KLHL32: variants seen among roughly 807,000 people sequenced by gnomAD.
KLHL32 encodes kelch-like protein 32.
A neutral mutation model predicts 64.8 loss-of-function variants in KLHL32; 35 were observed. The ratio of observed to expected loss-of-function variants is 0.54; its 90% CI spans 0.41 to 0.72. The LOEUF (loss-of-function observed/expected upper bound fraction) is 0.72, where lower values mean the gene tolerates loss of function less well. KLHL32 is among the 30% of genes least tolerant of loss of function. The probability of loss-of-function intolerance (pLI) is 0.00; values close to 1 mark genes in which losing one functional copy is unlikely to be tolerated. For synonymous variants in KLHL32, 259 were observed against 281.0 expected, an observed-to-expected ratio of 0.92 and a Z score of 0.78; for missense variants, 589 against 768.5, an observed-to-expected ratio of 0.77 and a Z score of 2.76.
intron 3 of KLHL32, among the ~76,000 whole-genome samples, chr6:97,002,545 A>T (rs908681528): frequency 6.6e-6 from 1 of 152,068 alleles, no homozygotes; most frequent in African/African-American, 2.4e-5. Flanking sequence ...GCGTCATAGG[A>T]GTTTGGTGTA....
intron 3 of KLHL32, among the ~76,000 whole-genome samples, chr6:97,004,373 G>A (rs1374254356): frequency 6.6e-6 from 1 of 152,094 alleles, no homozygotes; most frequent in Non-Finnish European, 1.5e-5. Flanking sequence ...CAGAACTTTT[G>A]GGCAGAGGCT....
chr6:96,921,102 T>G (rs1562157643), upstream of KLHL32, among the ~76,000 whole-genome samples: 1 of 152,250 alleles, frequency 6.6e-6, no homozygotes. Context: ...TTACAATTTA[T>G]TTTTAAATCT....
At chr6:97,009,132 G>A (rs866179879) in intron 3 of KLHL32, among the ~76,000 whole-genome samples, 2 of 151,046 alleles carry the variant, frequency 1.3e-5, no homozygotes, top group Non-Finnish European at 2.9e-5. Flanking sequence ...TAAGATAAAT[G>A]TCAGTTGCAA....
intron 4 of KLHL32, among the ~76,000 whole-genome samples, chr6:97,053,946 T>C (rs1020060375): frequency 6.6e-6 from 1 of 152,076 alleles, no homozygotes; most frequent in African/African-American, 2.4e-5. Context: ...TTATTTTCTT[T>C]CTTTTCTTTC....
At position 97,041,511 on chromosome 6, in the gene KLHL32, T is replaced by C; in HGVS notation, c.224T>C (p.Met75Thr). ...DYFRAMFSLC[M>T]VESGADEVNL... ...CCTCAGGCAATGTTCAGTCTTTGTA[T>C]GGTGGAAAGTGGAGCTGATGAGGTT... The change falls in exon 4 of 11, where the codon ATG becomes ACG. Residue 75 changes from methionine to threonine, a missense_variant. Transcript: ENST00000369261. The C allele has an allele frequency of 6.2e-7, 1 of 1,613,296 alleles. No individual in the cohort carries two copies. Among genetic ancestry groups the C allele is most frequent in the Non-Finnish European group, 8.5e-7 (1 of 1,179,272 alleles).
chr6:96,911,585 A>T, the KLHL32 span, among the ~76,000 whole-genome samples: 1 of 152,118 alleles, frequency 6.6e-6, no homozygotes, highest in Non-Finnish European at 1.5e-5. Flanking sequence ...TTCTTGAAAG[A>T]ATTAATTCTT....
chr6:96,955,841 G>T (rs1053564071), intron 1 of KLHL32, among the ~76,000 whole-genome samples: 3 of 152,194 alleles, frequency 2.0e-5, no homozygotes, highest in Non-Finnish European at 2.9e-5. Context: ...GGAGGCTGAG[G>T]CAGGAGAATT....
intron 6 of KLHL32, among the ~76,000 whole-genome samples, chr6:97,110,672 A>C (rs1416994216): frequency 6.6e-6 from 1 of 152,246 alleles, no homozygotes; most frequent in Non-Finnish European, 1.5e-5. Context: ...TTATCTGAAC[A>C]GGGAAGCCCA....
intron 1 of KLHL32, among the ~76,000 whole-genome samples, chr6:96,940,698 C>A (rs567071063): frequency 1.3e-5 from 2 of 152,296 alleles, no homozygotes; most frequent in South Asian, 4.1e-4. Flanking sequence ...AGAAAACAGG[C>A]AAATGAACAG....
intron 3 of KLHL32, chr6:96,994,750 T>TA (rs11448598): frequency 0.11 from 60,666 of 556,828 alleles, 4,594 homozygotes; most frequent in East Asian, 0.37. Flanking sequence ...AATAATGCTT[T>TA]AAAAAATAAC....
rs115441128 is a variant in KLHL32, at chr6:97,121,609, C to T, written c.1355-5795C>T. ...TTACATACTACAGGAGTCTAATGGC[C>T]TTTAAAATTGGTGTTGTAAAGTTTT... On this transcript the variant is annotated intron_variant, in intron 7 of 10. Transcript: ENST00000369261. Among the ~76,000 whole-genome samples, 556 of 151,718 alleles carry T rather than the reference C, an allele frequency of 3.7e-3. 2 individuals carry two copies. Among genetic ancestry groups the T allele is most frequent in the African/African-American group, 0.012 (511 of 41,342 alleles).
intron 4 of KLHL32, among the ~76,000 whole-genome samples, chr6:97,056,521 C>T (rs542547761): frequency 1.3e-5 from 2 of 152,254 alleles, no homozygotes; most frequent in South Asian, 4.1e-4. Context: ...TGCTCCTCCC[C>T]ACTCTGTAGG....
chr6:96,990,603 A>C (rs771093264), intron 3 of KLHL32, among the ~76,000 whole-genome samples: 1 of 152,128 alleles, frequency 6.6e-6, no homozygotes, highest in Non-Finnish European at 1.5e-5. Flanking sequence ...GTCCTCTCCA[A>C]CTTGGAGGCA....
chr6:96,995,931 A>T (rs185417846), intron 3 of KLHL32, among the ~76,000 whole-genome samples: 8 of 152,342 alleles, frequency 5.3e-5, no homozygotes, highest in Admixed American at 4.6e-4. Context: ...CCAACTAAAC[A>T]CTAGTGAAGT....
chr6:96,939,754 C>T lies in KLHL32; in HGVS notation c.-66+14728C>T, dbSNP rs138957282. On this transcript the variant is annotated intron_variant, in intron 1 of 10. Coordinates refer to ENST00000369261, the MANE Select transcript of KLHL32 (RefSeq NM_052904.4). ...AGATAGGTATCTTTATCAGAAATGC[C>T]GAGAAGCCATTGAGGAATGATTGTA... Among the ~76,000 whole-genome samples, 594 of 152,016 alleles carry T rather than the reference C, an allele frequency of 3.9e-3. 1 individual carries two copies. The highest frequency in any genetic ancestry group is 6.0e-3 in the Non-Finnish European group (407 of 67,970).
intron 1 of KLHL32, among the ~76,000 whole-genome samples, chr6:96,962,279 A>G (rs375432969): frequency 3.4e-4 from 52 of 152,248 alleles, no homozygotes; most frequent in African/African-American, 1.1e-3. Context: ...CATCAATCCT[A>G]TGTACCAGAT....
At chr6:97,103,404 G>A (rs1562339675) in intron 6 of KLHL32, among the ~76,000 whole-genome samples, 2 of 151,870 alleles carry the variant, frequency 1.3e-5, no homozygotes, top group African/African-American at 2.4e-5. Context: ...TGGTAGAGAT[G>A]GGGTTTCACC....
intron 4 of KLHL32, among the ~76,000 whole-genome samples, chr6:97,044,258 G>A (rs961129100): frequency 1.3e-5 from 2 of 151,974 alleles, no homozygotes; most frequent in African/African-American, 4.8e-5. Context: ...TCGTATGGTT[G>A]TTATCTGTCA....
chr6:97,114,110 C>T lies in KLHL32; in HGVS notation c.955C>T (p.Leu319Phe). The T allele has an allele frequency of 2.5e-6, 4 of 1,614,192 alleles. No individual in the cohort carries two copies. The highest frequency in any genetic ancestry group is 2.5e-6 in the Non-Finnish European group (3 of 1,180,038). Residue 319 changes from leucine (L) to phenylalanine (F), a missense_variant, in exon 7 of 11, where the codon CTC becomes TTC. Leu to Phe is a conservative substitution (Grantham distance 22). Coordinates refer to ENST00000369261, the MANE Select transcript of KLHL32 (RefSeq NM_052904.4). ...YFNPVDQENA[L>F]IAAIANWSEL... ...CAATCCTGTTGATCAGGAGAATGCT[C>T]TCATAGCTGCCATTGCCAACTGGAG...
Sources: allele counts gnomAD v4.1 joint callset (sites outside exome capture counted in the v4.1 genomes callset), GRCh38; gene constraint gnomAD v4.1.1; transcripts MANE v1.5; gene names NCBI Gene and HGNC (gene_info 2026-07-23, HGNC 2026-07-21).